The following NAA60 variants were observed in gnomAD, a reference collection of about 807,000 sequenced individuals.
NAA60 encodes the protein N-alpha-acetyltransferase 60.
NAA60 carries 8 observed loss-of-function variants against 26.1 expected under a neutral mutation model. The observed-to-expected ratio is 0.31, with a 90% confidence interval of 0.18 to 0.55. The LOEUF (loss-of-function observed/expected upper bound fraction) is 0.55, where lower values mean the gene tolerates loss of function less well. Among genes scored for constraint, NAA60 ranks in the 20% least tolerant of loss-of-function variants. NAA60 has a pLI of 0.93. For missense variants in NAA60, 290 were observed against 311.3 expected, an observed-to-expected ratio of 0.93 and a Z score of 0.51; for synonymous variants, 131 against 122.5, an observed-to-expected ratio of 1.07 and a Z score of -0.46.
In NAA60 at chr16:3,443,700, T is replaced by C; in HGVS notation, c.-214T>C. The C allele has an allele frequency of 1.4e-6, 2 of 1,417,678 alleles. No individual in the cohort carries two copies. The highest frequency in any genetic ancestry group is 1.5e-5 in the South Asian group (1 of 66,686). 87.8% of individuals were successfully genotyped at this position (1,417,678 alleles called of 1,614,324 possible). A position where few individuals can be genotyped will look rare whatever the true frequency, so the allele number is the denominator to read the frequency against. On this transcript the variant is annotated 5_prime_UTR_variant, in exon 1 of 8. Transcript: ENST00000407558. ...CATTTCCGCTTCCGCTGGCGGGGTC[T>C]CCTCCGTGAGCTCCGGGCCTGTTTG...
At chr16:3,482,009 G>C (rs1227346561) in intron 4 of NAA60, among the ~76,000 whole-genome samples, 2 of 152,176 alleles carry the variant, frequency 1.3e-5, no homozygotes, top group East Asian at 3.9e-4. Context: ...GCCTGTGGGG[G>C]CAGCAGAAGG....
intron 2 of NAA60, among the ~76,000 whole-genome samples, chr16:3,456,294 C>T (rs533507712): frequency 7.2e-5 from 11 of 152,288 alleles, no homozygotes; most frequent in African/African-American, 2.4e-4. Flanking sequence ...TAGCAAGCTC[C>T]CAGGTGATGC....
chr16:3,473,743 GTTGTTT>G lies in NAA60; in HGVS notation c.-6-2476_-6-2471del, dbSNP rs140792509. Among the ~76,000 whole-genome samples the G allele has an allele frequency of 1.4e-3, 213 of 148,966 alleles. 1 individual carries two copies. Among genetic ancestry groups the G allele is most frequent in the African/African-American group, 5.2e-3 (204 of 39,456 alleles). ...TGTTGTTGTTGTTGTTGTTGTTGTTGTTGTTTTTTGAGATGGAGTCTTGCACTGTTG... is the reference window on the plus strand; with the variant it reads ...TGTTGTTGTTGTTGTTGTTGTTGTTGTTTGAGATGGAGTCTTGCACTGTTG... On this transcript the variant is annotated intron_variant, in intron 2 of 7. Transcript: ENST00000407558.
In NAA60 at chr16:3,479,527, C is replaced by G; in HGVS notation, c.167C>G (p.Ala56Gly). The G allele has an allele frequency of 1.2e-6, 2 of 1,614,026 alleles. No individual in the cohort carries two copies. Among genetic ancestry groups the G allele is most frequent in the Non-Finnish European group, 1.7e-6 (2 of 1,179,874 alleles). The change falls in exon 4 of 8, where the codon GCT becomes GGT. Residue 56 changes from alanine to glycine, a missense_variant. Coordinates refer to ENST00000407558, the MANE Select transcript of NAA60 (RefSeq NM_001083601.3). ...TCCAACAAGAAGTTCTTTTCCCTTG[C>G]TGCAACCTACAGAGGTGCCATTGTG... The part of the protein sequence containing the change: ...ITSNKKFFSL[A>G]ATYRGAIVGM...
intron 5 of NAA60, among the ~76,000 whole-genome samples, chr16:3,483,087 C>G (rs1000443449): frequency 2.0e-5 from 3 of 152,220 alleles, no homozygotes; most frequent in African/African-American, 7.2e-5. Flanking sequence ...TCACATTTAC[C>G]CTGTTTGTTG....
chr16:3,454,270 T>C (rs1328336191), intron 2 of NAA60, among the ~76,000 whole-genome samples: 1 of 152,174 alleles, frequency 6.6e-6, no homozygotes, highest in Non-Finnish European at 1.5e-5. Context: ...ACCTGGCAGC[T>C]TGGTATGTCG....
chr16:3,484,461 G>A (rs2037046532), intron 6 of NAA60: 2 of 585,256 alleles, frequency 3.4e-6, no homozygotes, highest in South Asian at 2.1e-5. Context: ...CCACATGCCT[G>A]CTGCCTCACT....
chr16:3,483,637 G>A, intron 6 of NAA60, 40 bp downstream of exon 6: 1 of 1,507,894 alleles, frequency 6.6e-7, no homozygotes, highest in Non-Finnish European at 9.2e-7. Flanking sequence ...GTGGCTTCCT[G>A]TCCATAAGGT....
Position 3,479,343 on chromosome 16 carries a change from C to T in NAA60, c.111-128C>T. Reference sequence around the variant, plus strand: ...TAGGTAGAGACTTAAGTGATGGGCACACTCCTCGGCAGCCTTAGAGCAGCA... The same window carrying T: ...TAGGTAGAGACTTAAGTGATGGGCATACTCCTCGGCAGCCTTAGAGCAGCA... On this transcript the variant is annotated intron_variant, in intron 3 of 7. Coordinates refer to ENST00000407558, the MANE Select transcript of NAA60 (RefSeq NM_001083601.3). The T allele has an allele frequency of 4.5e-6, 4 of 879,632 alleles. No individual in the cohort carries two copies. In the South Asian group the frequency reaches 5.2e-5, roughly 11 times the overall value. The allele number at this position is 879,632 out of a possible 1,614,324, so 54.5% of individuals were successfully genotyped here. A position where few individuals can be genotyped will look rare whatever the true frequency, so the allele number is the denominator to read the frequency against.
intron 5 of NAA60, 170 bp downstream of exon 5, chr16:3,482,768 C>T (rs2036927745): frequency 3.2e-6 from 2 of 630,184 alleles, no homozygotes; most frequent in Non-Finnish European, 5.8e-6. Flanking sequence ...CCTTCATCAT[C>T]CCTCCCCTGC....
At position 3,482,906 on chromosome 16, in the gene NAA60, A is replaced by G; in HGVS notation, c.337+308A>G. Reference sequence around the variant, plus strand: ...TCTCACTTCTGCTGCCGCCACACGCACAACTCGTGTATTCACTGCTCACGA... The same window carrying G: ...TCTCACTTCTGCTGCCGCCACACGCGCAACTCGTGTATTCACTGCTCACGA... On this transcript the variant is annotated intron_variant, in intron 5 of 7. Coordinates refer to ENST00000407558, the MANE Select transcript of NAA60 (RefSeq NM_001083601.3). The G allele has an allele frequency of 5.8e-6, 3 of 519,656 alleles. No individual in the cohort carries two copies. The South Asian group carries it at 6.5e-5, about 11-fold the overall frequency. 32.2% of individuals were successfully genotyped at this position (519,656 alleles called of 1,614,324 possible).
chr16:3,456,410 A>G (rs138890466), intron 2 of NAA60, among the ~76,000 whole-genome samples: 1 of 152,112 alleles, frequency 6.6e-6, no homozygotes, highest in Non-Finnish European at 1.5e-5. Flanking sequence ...GCCAGTGGGA[A>G]AGGGGAGAGG....
chr16:3,478,016 G>A (rs555525665), intron 3 of NAA60, among the ~76,000 whole-genome samples: 1 of 151,590 alleles, frequency 6.6e-6, no homozygotes, highest in East Asian at 1.9e-4. Flanking sequence ...AGTGAGCCAA[G>A]ATTGTGGCAC....
intron 4 of NAA60, among the ~76,000 whole-genome samples, chr16:3,479,941 C>G (rs561371112): frequency 1.3e-5 from 2 of 152,306 alleles, no homozygotes; most frequent in East Asian, 3.9e-4. Context: ...TCATAGAAAC[C>G]GCTAAGACTG....
At chr16:3,453,031 C>T (rs907258614) in intron 2 of NAA60, among the ~76,000 whole-genome samples, 3 of 152,172 alleles carry the variant, frequency 2.0e-5, no homozygotes, top group African/African-American at 7.2e-5. Flanking sequence ...GGTGTAGAGT[C>T]TTCACACTCT....
At chr16:3,478,062 CAAAAT>C (rs1567394113) in intron 3 of NAA60, among the ~76,000 whole-genome samples, 3 of 102,460 alleles carry the variant, frequency 2.9e-5, no homozygotes, top group Admixed American at 1.0e-4. Context: ...GACTCTGTCT[CAAAAT>C]AATAATAATA....
At chr16:3,452,512 C>A (rs982405009) in intron 2 of NAA60, among the ~76,000 whole-genome samples, 1 of 151,146 alleles carries the variant, frequency 6.6e-6, no homozygotes, top group African/African-American at 2.4e-5. Flanking sequence ...AAAAATTAAC[C>A]GGGCATGGTG....
At chr16:3,485,428 C>T in intron 7 of NAA60, 39 bp from the exon 8 acceptor site, 1 of 460,042 alleles carries the variant, frequency 2.2e-6, no homozygotes, top group South Asian at 1.5e-5. Flanking sequence ...AGTGTCTCCG[C>T]CGGGCCTTCA....
chr16:3,459,911 T>C (rs570934347), intron 2 of NAA60, among the ~76,000 whole-genome samples: 1 of 152,256 alleles, frequency 6.6e-6, no homozygotes, highest in African/African-American at 2.4e-5. Flanking sequence ...ATGCTTCAGA[T>C]TAGAATGGAA....
Sources: gnomAD v4.1 joint callset for allele counts (sites outside exome capture counted in the v4.1 genomes callset) on GRCh38, gnomAD v4.1.1 for gene constraint, MANE v1.5 for transcripts, NCBI Gene and HGNC (gene_info 2026-07-23, HGNC 2026-07-21) for gene names.